The following ADAMTS20 variants were observed in gnomAD, a reference collection of about 807,000 sequenced individuals.
The protein encoded by ADAMTS20 is ADAM metallopeptidase with thrombospondin type 1 motif 20.
In ADAMTS20, 225 loss-of-function variants were observed where a neutral mutation model predicts 260.1. The observed-to-expected ratio is 0.87, with a 90% CI of 0.78 to 0.97. The LOEUF (loss-of-function observed/expected upper bound fraction) is 0.97, where lower values mean the gene tolerates loss of function less well. Ranked by LOEUF, ADAMTS20 falls within the 50% of genes least tolerant of loss-of-function variation. The pLI is 0.00. For missense variants in ADAMTS20, 2,400 were observed against 2,337.7 expected (o/e 1.03, Z -0.55); for synonymous variants, 802 against 769.5 (o/e 1.04, Z -0.70).
At position 43,354,212 on chromosome 12, in the gene ADAMTS20, T is replaced by C. The variant is rs1300068041; in HGVS notation, c.5730A>G (p.Ile1910Met). Residue 1910 changes from isoleucine to methionine, a missense_variant, in exon 39 of 39, where the codon ATA becomes ATG. By Grantham distance (10) the Ile-to-Met change is conservative. Coordinates refer to ENST00000389420, the MANE Select transcript of ADAMTS20 (RefSeq NM_025003.5). ...CATACTTCCCCCTTCTAAATGTTCA[T>C]ATGACTTGAATTGGGAGACCAGTAG... The part of the protein sequence containing the change: ...HMTTGLPIQV[I>M] The C allele has an allele frequency of 6.3e-7, 1 of 1,578,518 alleles. No homozygotes were observed. The highest frequency in any genetic ancestry group is 8.6e-7 in the Non-Finnish European group (1 of 1,158,730).
At position 43,428,682 on chromosome 12, in the gene ADAMTS20, C is replaced by G. The variant is rs146789743; in HGVS notation, c.3607G>C (p.Asp1203His). The G allele has an allele frequency of 1.9e-6, 3 of 1,610,764 alleles. No homozygotes were observed. ...CACTCTCCACAAGGGGTAAAACAGTCCCATATTTCAGCAGGTCGGGGTAAG... is the reference window on the plus strand; with the variant it reads ...CACTCTCCACAAGGGGTAAAACAGTGCCATATTTCAGCAGGTCGGGGTAAG... ...AHLPRPAEIW[D>H]CFTPCGEWQA... The change falls in exon 25 of 39, where the codon GAC (aspartate) becomes CAC (histidine). Residue 1203 changes from aspartate (D) to histidine (H), a missense_variant. Asp to His is a moderately conservative substitution (Grantham distance 81). Transcript: ENST00000389420.
At chr12:43,453,509 G>T (rs1039141892) in intron 12 of ADAMTS20, among the ~76,000 whole-genome samples, 1 of 151,902 alleles carries the variant, frequency 6.6e-6, no homozygotes, top group African/African-American at 2.4e-5. Flanking sequence ...TGCACAAAAC[G>T]GTAAAAAATT....
At chr12:43,391,378 C>CTGTTCTT (rs1940593389) in intron 29 of ADAMTS20, among the ~76,000 whole-genome samples, 1 of 152,102 alleles carries the variant, frequency 6.6e-6, no homozygotes, top group Non-Finnish European at 1.5e-5. Context: ...AGTTGAAGTT[C>CTGTTCTT]TGTTCTTTTT....
intron 31 of ADAMTS20, among the ~76,000 whole-genome samples, chr12:43,381,083 A>C (rs940170209): frequency 6.6e-6 from 1 of 152,190 alleles, no homozygotes; most frequent in Non-Finnish European, 1.5e-5. Context: ...ATAAACCAAT[A>C]CATTTATGGT....
intron 29 of ADAMTS20, among the ~76,000 whole-genome samples, chr12:43,393,244 T>G (rs1565678228): frequency 6.6e-6 from 1 of 152,078 alleles, no homozygotes; most frequent in African/African-American, 2.4e-5. Context: ...GTTATAGAAC[T>G]AATATAAGCA....
chr12:43,421,104 C>T (rs375422849), intron 28 of ADAMTS20, among the ~76,000 whole-genome samples: 4 of 151,644 alleles, frequency 2.6e-5, no homozygotes, highest in East Asian at 1.9e-4. Flanking sequence ...CCACTATGCC[C>T]GGCTTACATG....
chr12:43,425,535 C>A lies in ADAMTS20; in HGVS notation c.4263G>T (p.Trp1421Cys). Residue 1421 changes from tryptophan (W) to cysteine (C), a missense_variant, in exon 28 of 39, where the codon TGG becomes TGT. By Grantham distance (215) the Trp-to-Cys change is radical (BLOSUM62 -2). Transcript: ENST00000389420. ...HMHACPADVS[W>C]HQEPWTSCSA... ...ATACCGATGTCCATGGTTCCTGATGCCATGACACATCAGCAGGGCAAGCAT... is the reference window on the plus strand; with the variant it reads ...ATACCGATGTCCATGGTTCCTGATGACATGACACATCAGCAGGGCAAGCAT... 1 of 1,556,466 alleles carries A rather than the reference C, an allele frequency of 6.4e-7. No homozygotes were observed. The highest frequency in any genetic ancestry group is 1.2e-5 in the South Asian group (1 of 82,464).
At chr12:43,420,837 T>TTTC (rs1565689341) in intron 28 of ADAMTS20, among the ~76,000 whole-genome samples, 2 of 140,626 alleles carry the variant, frequency 1.4e-5, no homozygotes, top group African/African-American at 2.6e-5. Context: ...AGATGGGGTC[T>TTTC]CGGTCTGTCA....
intron 11 of ADAMTS20, among the ~76,000 whole-genome samples, chr12:43,460,988 A>ATATATATATTT: frequency 1.5e-4 from 4 of 26,392 alleles, no homozygotes; most frequent in African/African-American, 2.6e-4. Flanking sequence ...ATATATATAT[A>ATATATATATTT]TTTTTTTTTT....
chr12:43,522,616 C>T (rs1943087693), intron 3 of ADAMTS20, among the ~76,000 whole-genome samples: 1 of 152,188 alleles, frequency 6.6e-6, no homozygotes, highest in Admixed American at 6.5e-5. Context: ...CAGAACTACA[C>T]TTCACAGAAT....
intron 2 of ADAMTS20, 96 bp from the exon 3 acceptor site, chr12:43,532,291 A>G: frequency 9.1e-7 from 1 of 1,095,158 alleles, no homozygotes; most frequent in Non-Finnish European, 1.3e-6. Context: ...CAGAAGCAAA[A>G]CAGCAAGGAG....
chr12:43,377,617 A>C (rs541731332), intron 31 of ADAMTS20, 55 bp from the exon 32 acceptor site: 1 of 1,422,186 alleles, frequency 7.0e-7, no homozygotes, highest in East Asian at 2.3e-5. Flanking sequence ...GCCAGGGCCT[A>C]ATATTTGTCA....
chr12:43,375,883 G>C (rs1940214641), intron 35 of ADAMTS20, among the ~76,000 whole-genome samples, 174 bp downstream of exon 35: 1 of 152,132 alleles, frequency 6.6e-6, no homozygotes, highest in Non-Finnish European at 1.5e-5. Flanking sequence ...AGTATTCAAG[G>C]CTTTATTTCT....
downstream of ADAMTS20, among the ~76,000 whole-genome samples, chr12:43,353,635 T>C (rs1006009119): frequency 6.6e-6 from 1 of 152,058 alleles, no homozygotes; most frequent in Non-Finnish European, 1.5e-5. Context: ...TGAAGCCCCA[T>C]AATCCACAAG....
chr12:43,409,601 C>CA lies in ADAMTS20; in HGVS notation c.4285-10369dup, dbSNP rs67474640. Among the ~76,000 whole-genome samples, 298 of 46,894 alleles carry CA rather than the reference C, an allele frequency of 6.4e-3. 46 individuals carry two copies. Among genetic ancestry groups the CA allele is most frequent in the Non-Finnish European group, 7.7e-3 (216 of 28,194 alleles). The allele number at this position is 46,894 out of a possible 152,430, so 30.8% of individuals were successfully genotyped here. On this transcript the variant is annotated intron_variant, in intron 28 of 38. Coordinates refer to ENST00000389420, the MANE Select transcript of ADAMTS20 (RefSeq NM_025003.5). ...TGGGCGACAGAGCGAGACTCCGTCTCAAAAAAAAAAAAAAAAAAAAAAAAA... is the reference window on the plus strand; with the variant it reads ...TGGGCGACAGAGCGAGACTCCGTCTCAAAAAAAAAAAAAAAAAAAAAAAAAA...
At chr12:43,516,428 C>T (rs1943001318) in intron 3 of ADAMTS20, among the ~76,000 whole-genome samples, 1 of 152,068 alleles carries the variant, frequency 6.6e-6, no homozygotes, top group African/African-American at 2.4e-5. Context: ...TCTACTAGAG[C>T]CAAAGATTCA....
At chr12:43,488,671 C>T (rs887700757) in intron 7 of ADAMTS20, among the ~76,000 whole-genome samples, 1 of 152,102 alleles carries the variant, frequency 6.6e-6, no homozygotes, top group Non-Finnish European at 1.5e-5. Context: ...TTGTGCTTGG[C>T]TTATAAGGAT....
Position 43,551,935 on chromosome 12 carries a change from G to T in ADAMTS20, c.-14C>A. On this transcript the variant is annotated 5_prime_UTR_variant, in exon 1 of 39. Coordinates refer to ENST00000389420, the MANE Select transcript of ADAMTS20 (RefSeq NM_025003.5). This position sits in a 1 kb window ranked among gnomAD's most constrained non-coding sequence, Gnocchi z 4.6. Reference sequence around the variant, plus strand: ...GGCCACCCACATGGTTCCACCCTGGGGACCCCGATCGGGGAGGCCCACCAG... The same window carrying T: ...GGCCACCCACATGGTTCCACCCTGGTGACCCCGATCGGGGAGGCCCACCAG... The T allele has an allele frequency of 6.2e-7, 1 of 1,612,650 alleles. No individual in the cohort carries two copies. The highest frequency in any genetic ancestry group is 8.5e-7 in the Non-Finnish European group (1 of 1,179,240).
Position 43,416,291 on chromosome 12 carries a change from T to C in ADAMTS20, c.4284+9223A>G, listed in dbSNP as rs529080994. Among the ~76,000 whole-genome samples the C allele has an allele frequency of 1.6e-4, 25 of 152,130 alleles. No homozygotes were observed. The South Asian group carries it at 5.0e-3, about 30-fold the overall frequency. ...AGTCTGTCACTTTTCAGTTTACTGA[T>C]ATTTTATGATGAGAATTGTCCACTA... On this transcript the variant is annotated intron_variant, in intron 28 of 38. Transcript: ENST00000389420.
Sources: gnomAD v4.1 joint callset for allele counts (sites outside exome capture counted in the v4.1 genomes callset) on GRCh38, gnomAD v4.1.1 for gene constraint, Gnocchi (gnomAD v3.1) non-coding constraint, MANE v1.5 for transcripts, NCBI Gene and HGNC (gene_info 2026-07-23, HGNC 2026-07-21) for gene names.